The following PICALM variants were observed in gnomAD, a reference collection of about 807,000 sequenced individuals.
PICALM encodes phosphatidylinositol binding clathrin assembly protein.
Under a neutral mutation model 80.5 loss-of-function variants are expected in PICALM, and 40 were observed. The observed-to-expected ratio is 0.50, with a 90% CI of 0.39 to 0.65. The LOEUF is 0.65. Ranked by LOEUF, PICALM falls within the 30% of genes least tolerant of loss-of-function variation. The pLI, the probability that PICALM is intolerant of heterozygous loss-of-function variation, is 0.00. For missense variants in PICALM, 676 were observed against 778.9 expected (o/e 0.87, Z 1.57); for synonymous variants, 288 against 260.3 (o/e 1.11, Z -1.02).
chr11:86,014,812 C>A (rs1243124371), intron 5 of PICALM, 58 bp downstream of exon 5: 2 of 964,616 alleles, frequency 2.1e-6, no homozygotes, highest in Non-Finnish European at 1.5e-6. Context: ...GTTAAAAATT[C>A]TCATGAATTA....
At chr11:85,991,009 G>A (rs565288694) in intron 12 of PICALM, among the ~76,000 whole-genome samples, 37 of 152,274 alleles carry the variant, frequency 2.4e-4, no homozygotes, top group African/African-American at 7.9e-4. Context: ...GTCTATCTAA[G>A]AGCTTTAGTC....
At chr11:86,034,443 C>T (rs1056627022) in intron 1 of PICALM, among the ~76,000 whole-genome samples, 1 of 152,116 alleles carries the variant, frequency 6.6e-6, no homozygotes, top group Non-Finnish European at 1.5e-5. Context: ...TAACACTTAT[C>T]GGGGACTCTC....
At chr11:85,961,438 C>T (rs1232241068) in intron 19 of PICALM, among the ~76,000 whole-genome samples, 2 of 152,182 alleles carry the variant, frequency 1.3e-5, no homozygotes, top group South Asian at 2.1e-4. Context: ...GATTCTGCTT[C>T]CTGTTTGGAC....
At chr11:86,021,131 T>G (rs2095555481) in intron 4 of PICALM, among the ~76,000 whole-genome samples, 3 of 152,152 alleles carry the variant, frequency 2.0e-5, no homozygotes, top group African/African-American at 7.2e-5. Context: ...GAAGACTGCT[T>G]GAGCCCAGGA....
At chr11:85,965,623 T>C (rs1338186853) in intron 19 of PICALM, among the ~76,000 whole-genome samples, 4 of 152,142 alleles carry the variant, frequency 2.6e-5, no homozygotes, top group Non-Finnish European at 5.9e-5. Flanking sequence ...GAGATAGTGC[T>C]AAAAGACAGG....
chr11:86,061,155 G>A (rs925812992), intron 1 of PICALM, among the ~76,000 whole-genome samples: 1 of 151,540 alleles, frequency 6.6e-6, no homozygotes, highest in Non-Finnish European at 1.5e-5. Context: ...ATGGTCAAAC[G>A]CCATCTCTAC....
chr11:85,996,617 T>C (rs1462072920), intron 12 of PICALM, among the ~76,000 whole-genome samples: 1 of 152,210 alleles, frequency 6.6e-6, no homozygotes, highest in Non-Finnish European at 1.5e-5. Flanking sequence ...CTTTATTAAA[T>C]GTCATTTCAT....
At chr11:86,056,536 A>C (rs2096272535) in intron 1 of PICALM, among the ~76,000 whole-genome samples, 1 of 152,166 alleles carries the variant, frequency 6.6e-6, no homozygotes, top group Non-Finnish European at 1.5e-5. Context: ...TTTGGCAAGA[A>C]AGTAGAGGAG....
chr11:86,003,346 G>C lies in PICALM; in HGVS notation c.893+20C>G. The C allele has an allele frequency of 6.9e-7, 1 of 1,456,760 alleles. No homozygotes were observed. The highest frequency in any genetic ancestry group is 9.5e-7 in the Non-Finnish European group (1 of 1,051,160). 90.2% of individuals were successfully genotyped at this position (1,456,760 alleles called of 1,614,324 possible). A position where few individuals can be genotyped will look rare whatever the true frequency, so the allele number is the denominator to read the frequency against. ...TCAGAAAAATCACTCTGGCTTTTTG[G>C]CCTACAAAGAATGATATACCTGCTT... On this transcript the variant is annotated intron_variant, in intron 9 of 19. Coordinates refer to ENST00000393346, the MANE Select transcript of PICALM (RefSeq NM_007166.4).
Position 85,996,900 on chromosome 11 carries a change from T to C in PICALM, c.1184A>G (p.Asp395Gly), listed in dbSNP as rs1412471180. 2.5e-6 allele frequency: 4 copies of C among 1,612,926 alleles called. No individual in the cohort carries two copies. Among genetic ancestry groups the C allele is most frequent in the Middle Eastern group, 1.7e-4 (1 of 6,058 alleles). ...TGGGTGAAAAGTTGGCTGCTGCAAA[T>C]CAAGCAGATCATTGGGCAGCTTTGA... is the stretch of plus-strand genomic sequence containing the variant. ...STSKLPNDLL[D>G]LQQPTFHPSV... The change falls in exon 12 of 20, where the codon GAT (aspartate) becomes GGT (glycine). Residue 395 changes from aspartate to glycine, a missense_variant. Around this residue, in one of 2 missense-constraint regions of PICALM, gnomAD observed 391 missense variants for 383.6 expected, o/e 1.02. Transcript: ENST00000393346.
chr11:86,049,785 C>T (rs1192589114), intron 1 of PICALM, among the ~76,000 whole-genome samples: 1 of 151,652 alleles, frequency 6.6e-6, no homozygotes, highest in African/African-American at 2.4e-5. Flanking sequence ...TGCCCATCCC[C>T]TTCCAAAGAT....
chr11:85,984,286 T>A (rs555651128), intron 13 of PICALM, among the ~76,000 whole-genome samples: 8 of 152,256 alleles, frequency 5.3e-5, no homozygotes, highest in Admixed American at 4.6e-4. Context: ...TAAACACATC[T>A]AAAATTACAA....
At chr11:86,044,446 T>C (rs1292752353) in intron 1 of PICALM, among the ~76,000 whole-genome samples, 1 of 152,220 alleles carries the variant, frequency 6.6e-6, no homozygotes, top group East Asian at 1.9e-4. Flanking sequence ...GATCGTCTCT[T>C]GGTAATTTTG....
At position 85,990,680 on chromosome 11, in the gene PICALM, T is replaced by C. The variant is rs116980683; in HGVS notation, c.1259-281A>G. Among the ~76,000 whole-genome samples the C allele has an allele frequency of 3.3e-5, 5 of 152,310 alleles. No homozygotes were observed. The East Asian group carries it at 9.6e-4, about 29-fold the overall frequency. On this transcript the variant is annotated intron_variant, in intron 12 of 19. Transcript: ENST00000393346. ...AATGGAATAATAACCAAGATGTTTC[T>C]ATAAAGAGCCACCCATCTTGCACCA...
chr11:85,983,001 C>G (rs2094487559), intron 14 of PICALM, among the ~76,000 whole-genome samples: 1 of 152,138 alleles, frequency 6.6e-6, no homozygotes, highest in Non-Finnish European at 1.5e-5. Flanking sequence ...GTCTCTCTTT[C>G]CACTTTCCCA....
At chr11:85,972,870 C>T (rs972976251) in intron 19 of PICALM, among the ~76,000 whole-genome samples, 1 of 152,094 alleles carries the variant, frequency 6.6e-6, no homozygotes, top group Non-Finnish European at 1.5e-5. Flanking sequence ...AAAACATCTA[C>T]AACAGATAGG....
chr11:86,059,721 C>G (rs759860604), intron 1 of PICALM, among the ~76,000 whole-genome samples: 2 of 152,190 alleles, frequency 1.3e-5, no homozygotes, highest in Admixed American at 1.3e-4. Flanking sequence ...ATGATCATGA[C>G]ACTACACTCC....
chr11:85,983,986 A>G lies in PICALM; in HGVS notation c.1409-13T>C. 1 of 1,255,146 alleles carries G rather than the reference A, an allele frequency of 8.0e-7. No homozygotes were observed. The allele number at this position is 1,255,146 out of a possible 1,614,324, so 77.8% of individuals were successfully genotyped here. On this transcript the variant is annotated splice_polypyrimidine_tract_variant and intron_variant, in intron 13 of 19. Transcript: ENST00000393346. ...GAAGGAGTGAATCCTGAGTAAACCA[A>G]AATGGAAAAAAGCTCAATTATTTAA...
intron 19 of PICALM, among the ~76,000 whole-genome samples, chr11:85,964,532 C>A (rs1017372600): frequency 1.3e-5 from 2 of 152,206 alleles, no homozygotes; most frequent in Non-Finnish European, 2.9e-5. Flanking sequence ...AACACAAGCA[C>A]TCAGCATGCT....
Sources: allele counts gnomAD v4.1 joint callset (sites outside exome capture counted in the v4.1 genomes callset), GRCh38; gene constraint gnomAD v4.1.1; regional missense constraint gnomAD v4.1.1; transcripts MANE v1.5; gene names NCBI Gene and HGNC (gene_info 2026-07-23, HGNC 2026-07-21).